Variants in CCDC13 observed in about 807,000 individuals in gnomAD.
CCDC13 encodes the protein coiled-coil domain containing 13.
In CCDC13, 70 loss-of-function variants were observed where a neutral mutation model predicts 87.3. The observed-to-expected ratio is 0.80, with a 90% CI of 0.66 to 0.98. The LOEUF (loss-of-function observed/expected upper bound fraction) is 0.98, where lower values mean the gene tolerates loss of function less well. Ranked by LOEUF, CCDC13 falls within the 50% of genes least tolerant of loss-of-function variation. The pLI is 0.00. For synonymous variants in CCDC13, 317 were observed against 360.3 expected (o/e 0.88, Z 1.36); for missense variants, 842 against 892.0 (o/e 0.94, Z 0.71).
At chr3:42,711,246 C>CAAAAAAAAAAAAAAAAAA (rs1174084143) in intron 14 of CCDC13, among the ~76,000 whole-genome samples, 23 of 75,324 alleles carry the variant, frequency 3.1e-4, no homozygotes, top group African/African-American at 1.2e-3. Context: ...ACTCTGTCTC[C>CAAAAAAAAAAAAAAAAAA]AAAAAAAAAA....
rs748274385 is a variant in CCDC13 at position 42,757,228 on chromosome 3, G to T, written c.222-14C>A. 1 of 1,610,926 alleles carries T rather than the reference G, an allele frequency of 6.2e-7. No homozygotes were observed. The highest frequency in any genetic ancestry group is 8.5e-7 in the Non-Finnish European group (1 of 1,178,390). ...TCTTCAAGCACCCTACAAGGCAAAG[G>T]CAGAATTAATGCTCCTCCAAGGCAA... On this transcript the variant is annotated splice_polypyrimidine_tract_variant and intron_variant, in intron 2 of 15. Coordinates refer to ENST00000310232, the MANE Select transcript of CCDC13 (RefSeq NM_144719.4).
chr3:42,745,055 T>C (rs1318823856), intron 7 of CCDC13: 1 of 152,092 alleles, frequency 6.6e-6, no homozygotes, highest in Non-Finnish European at 1.5e-5. Context: ...TGCACTATCA[T>C]CTATTAGCTT....
chr3:42,739,694 A>T lies in CCDC13; in HGVS notation c.1104T>A (p.Ser368Arg). ...LLSSEMKTLK[S>R]QMGTLVEKGR... is the part of the protein sequence containing the mutation. Reference sequence around the variant, plus strand: ...CCTTCTCCACCAGGGTTCCCATCTGACTCTTGAGGGTCTTCATCTCACTTG... The same window carrying T: ...CCTTCTCCACCAGGGTTCCCATCTGTCTCTTGAGGGTCTTCATCTCACTTG... Residue 368 changes from serine (S) to arginine (R), a missense_variant, in exon 9 of 16, where the codon AGT (serine) becomes AGA (arginine). Coordinates refer to ENST00000310232, the MANE Select transcript of CCDC13 (RefSeq NM_144719.4). 1.2e-6 allele frequency: 2 copies of T among 1,613,766 alleles called. No homozygotes were observed. Among genetic ancestry groups the T allele is most frequent in the South Asian group, 2.2e-5 (2 of 91,054 alleles).
At chr3:42,704,640 G>C (rs1158257981), downstream of CCDC13, 1 of 152,316 alleles carries the variant, frequency 6.6e-6, no homozygotes, top group African/African-American at 2.4e-5. Context: ...AGGGAGTGTG[G>C]TGTGCGGAAA....
chr3:42,751,872 G>A, intron 5 of CCDC13, 64 bp downstream of exon 5: 1 of 1,415,436 alleles, frequency 7.1e-7, no homozygotes, highest in Non-Finnish European at 9.9e-7. Context: ...CACACCTGTG[G>A]AGGAGGGGAG....
intron 13 of CCDC13, among the ~76,000 whole-genome samples, chr3:42,723,096 C>T (rs1180554234): frequency 6.6e-6 from 1 of 152,170 alleles, no homozygotes; most frequent in East Asian, 1.9e-4. Flanking sequence ...CGCACCTGGC[C>T]TATTCCTTTA....
At chr3:42,759,388 C>T (rs767978460) in intron 1 of CCDC13, among the ~76,000 whole-genome samples, 8 of 152,122 alleles carry the variant, frequency 5.3e-5, no homozygotes, top group African/African-American at 9.7e-5. Flanking sequence ...CCTCCACCAT[C>T]GTGAAAGAAC....
chr3:42,735,559 T>C (rs1698980351), intron 10 of CCDC13, 148 bp downstream of exon 10: 1 of 761,620 alleles, frequency 1.3e-6, no homozygotes, highest in Non-Finnish European at 2.2e-6. Flanking sequence ...CAGAATGGGT[T>C]GGGGAGCCAG....
intron 13 of CCDC13, among the ~76,000 whole-genome samples, chr3:42,729,650 G>A (rs976438867): frequency 2.0e-5 from 3 of 152,222 alleles, no homozygotes; most frequent in African/African-American, 7.2e-5. Flanking sequence ...CAGTGGCCCA[G>A]GGAACTGCCT....
chr3:42,728,427 C>A (rs1192398448), intron 13 of CCDC13, among the ~76,000 whole-genome samples: 1 of 149,486 alleles, frequency 6.7e-6, no homozygotes, highest in Non-Finnish European at 1.5e-5. Context: ...GGGACAGACT[C>A]TGCAGATAAA....
intron 5 of CCDC13, among the ~76,000 whole-genome samples, chr3:42,747,955 C>G (rs1251447390): frequency 3.3e-5 from 5 of 152,198 alleles, no homozygotes; most frequent in African/African-American, 1.2e-4. Flanking sequence ...CTTGGGCTCT[C>G]TTTCCTAGCA....
At position 42,707,675 on chromosome 3, in the gene CCDC13, C is replaced by T. The variant is rs1027938342; in HGVS notation, c.*1305G>A. ...CAACACACAAGTGGCTATGTCTTCACGTGTGGGAATGTGTGTCCACATCCA... is the reference window on the plus strand; with the variant it reads ...CAACACACAAGTGGCTATGTCTTCATGTGTGGGAATGTGTGTCCACATCCA... On this transcript the variant is annotated 3_prime_UTR_variant, in exon 16 of 16. Transcript: ENST00000310232. Among the ~76,000 whole-genome samples the T allele has an allele frequency of 1.3e-5, 2 of 152,246 alleles. No homozygotes were observed. Among genetic ancestry groups the T allele is most frequent in the African/African-American group, 4.8e-5 (2 of 41,458 alleles).
chr3:42,715,599 G>A (rs35659560), intron 13 of CCDC13, among the ~76,000 whole-genome samples: 28,693 of 152,060 alleles, frequency 0.19, 2,817 homozygotes, highest in East Asian at 0.29. Context: ...GCAACAGAGC[G>A]AGGCTCTGTT....
intron 9 of CCDC13, among the ~76,000 whole-genome samples, chr3:42,736,457 A>G (rs1699025066): frequency 6.6e-6 from 1 of 152,330 alleles, no homozygotes; most frequent in South Asian, 2.1e-4. Flanking sequence ...TGAGGCCCAG[A>G]GAGTCCAAGG....
intron 13 of CCDC13, chr3:42,718,078 T>G (rs1698473319): frequency 6.6e-6 from 1 of 152,190 alleles, no homozygotes; most frequent in Non-Finnish European, 1.5e-5. Flanking sequence ...CCATCTTAAA[T>G]AGGAGCTGGG....
At chr3:42,753,157 T>G (rs1158614850) in intron 3 of CCDC13, among the ~76,000 whole-genome samples, 4 of 152,150 alleles carry the variant, frequency 2.6e-5, no homozygotes, top group African/African-American at 9.7e-5. Flanking sequence ...AAGGTGCAGA[T>G]AAGGTAGAGG....
intron 7 of CCDC13, 154 bp from the exon 8 acceptor site, chr3:42,743,211 T>C (rs1699278298): frequency 4.0e-6 from 3 of 755,506 alleles, no homozygotes; most frequent in South Asian, 1.9e-5. Flanking sequence ...TGGGGGACAA[T>C]CTGAGCTGGC....
intron 1 of CCDC13, among the ~76,000 whole-genome samples, chr3:42,763,805 C>G (rs1699881417): frequency 6.6e-6 from 1 of 152,188 alleles, no homozygotes; most frequent in Non-Finnish European, 1.5e-5. Flanking sequence ...TGCACCCAGT[C>G]TGAAGAGATT....
intron 13 of CCDC13, among the ~76,000 whole-genome samples, chr3:42,726,389 A>G (rs1356559543): frequency 6.6e-6 from 1 of 152,210 alleles, no homozygotes; most frequent in Non-Finnish European, 1.5e-5. Context: ...AATAGGTTTC[A>G]TGGTAGATGA....
Sources: gnomAD v4.1 joint callset for allele counts (sites outside exome capture counted in the v4.1 genomes callset) on GRCh38, gnomAD v4.1.1 for gene constraint, MANE v1.5 for transcripts, NCBI Gene and HGNC (gene_info 2026-07-23, HGNC 2026-07-21) for gene names.